The following APC variants were observed in gnomAD, a reference collection of about 807,000 sequenced individuals.
APC encodes the protein APC regulator of Wnt signaling pathway.
A neutral mutation model predicts 247.0 loss-of-function variants in APC; 72 were observed. That is an observed-to-expected ratio of 0.29 (90% CI 0.24 to 0.35). The LOEUF (loss-of-function observed/expected upper bound fraction) is 0.35. Ranked by LOEUF, APC falls within the 10% of genes least tolerant of loss-of-function variation. APC has a pLI of 1.00. For synonymous variants in APC, 1,254 were observed against 1,162.5 expected (o/e 1.08, Z -1.60); for missense variants, 3,400 against 3,360.7 (o/e 1.01, Z -0.29).
Position 112,783,362 on chromosome 5 carries a change from T to G in APC, c.645+2459T>G, listed in dbSNP as rs1758560441. ...TTTGAGAAACATACGTGTTCATTTA[T>G]TCTGGAAATAGTTATATGAAGGTTA... On this transcript the variant is annotated intron_variant, in intron 6 of 15. Coordinates refer to ENST00000257430, the MANE Select transcript of APC (RefSeq NM_000038.6). Among the ~76,000 whole-genome samples the G allele has an allele frequency of 2.0e-5, 3 of 152,138 alleles. No individual in the cohort carries two copies. The South Asian group carries it at 6.2e-4, about 31-fold the overall frequency.
At position 112,844,032 on chromosome 5, in the gene APC, C is replaced by T. The variant is rs1060503275; in HGVS notation, c.8438C>T (p.Thr2813Ile). 1.9e-6 allele frequency: 3 copies of T among 1,602,624 alleles called. No homozygotes were observed. The highest frequency in any genetic ancestry group is 2.5e-6 in the Non-Finnish European group (3 of 1,176,868). Residue 2813 changes from threonine (T) to isoleucine (I), a missense_variant, in exon 16 of 16, where the codon ACA (threonine) becomes ATA (isoleucine). Physicochemically the swap from Thr to Ile is moderately conservative, Grantham distance 89. Around this residue, in one of 9 missense-constraint regions of APC, gnomAD observed 1,788 missense variants for 1,649.5 expected, o/e 1.08. Transcript: ENST00000257430. ...SQIPTPVNNN[T>I]KKRDSKTDST... is the part of the protein sequence containing the mutation. ...ATCCCAACTCCAGTGAATAACAACACAAAGAAGCGAGATTCCAAAACTGAC... is the reference window on the plus strand; with the variant it reads ...ATCCCAACTCCAGTGAATAACAACATAAAGAAGCGAGATTCCAAAACTGAC...
rs2149976488 is a variant in APC at position 112,842,524 on chromosome 5, A to C, written c.6930A>C (p.Ser2310=). The change falls in exon 16 of 16, where the codon TCA becomes TCC. Residue 2310 remains serine (S), a synonymous_variant. Coordinates refer to ENST00000257430, the MANE Select transcript of APC (RefSeq NM_000038.6). ...CAGGATCTAGAGATTCGACCCCTTC[A>C]AGACCTGCCCAGCAACCATTAAGTA... ...SRSGSRDSTP[S]RPAQQPLSRP... 1 of 1,614,076 alleles carries C rather than the reference A, an allele frequency of 6.2e-7. No individual in the cohort carries two copies. Among genetic ancestry groups the C allele is most frequent in the Non-Finnish European group, 8.5e-7 (1 of 1,179,974 alleles).
chr5:112,832,558 T>C (rs1185993445), intron 14 of APC, among the ~76,000 whole-genome samples: 1 of 152,238 alleles, frequency 6.6e-6, no homozygotes, highest in African/African-American at 2.4e-5. Context: ...AGGCCTGGCT[T>C]TTGTCTCTCT....
At chr5:112,762,234 G>A (rs1445028150) in intron 2 of APC, among the ~76,000 whole-genome samples, 2 of 152,198 alleles carry the variant, frequency 1.3e-5, no homozygotes, top group African/African-American at 2.4e-5. Context: ...CACACCAAAT[G>A]TGGAGCATTG....
intron 8 of APC, among the ~76,000 whole-genome samples, chr5:112,813,921 A>C (rs1041282857): frequency 2.6e-5 from 4 of 152,272 alleles, no homozygotes; most frequent in African/African-American, 7.2e-5. Flanking sequence ...TTTTCTCTTT[A>C]CCTTCTTCAA....
chr5:112,735,237 G>A (rs1209190836), upstream of APC, among the ~76,000 whole-genome samples: 4 of 151,982 alleles, frequency 2.6e-5, no homozygotes, highest in Non-Finnish European at 5.9e-5. Flanking sequence ...GTACAATGGC[G>A]AGATCTCGGC....
At chr5:112,791,941 T>C (rs1253726602) in intron 6 of APC, among the ~76,000 whole-genome samples, 1 of 152,040 alleles carries the variant, frequency 6.6e-6, no homozygotes, top group African/African-American at 2.4e-5. Context: ...TCCAGTGTAT[T>C]ACAAAAAATT....
intron 1 of APC, among the ~76,000 whole-genome samples, chr5:112,749,915 T>G (rs796833382): frequency 4.0e-5 from 6 of 151,602 alleles, no homozygotes; most frequent in Middle Eastern, 3.4e-3. Flanking sequence ...TTAGTTGTTT[T>G]TTTTTTTTTA....
At position 112,754,994 on chromosome 5, in the gene APC, C is replaced by T; in HGVS notation, c.104C>T (p.Thr35Ile). 6.2e-7 allele frequency: 1 copy of T among 1,613,734 alleles called. No homozygotes were observed. Among genetic ancestry groups the T allele is most frequent in the Non-Finnish European group, 8.5e-7 (1 of 1,179,772 alleles). ...QELEDNSNHL[T>I]KLETEASNMK... Reference sequence around the variant, plus strand: ...CTAGAAGATAATTCCAATCATCTTACAAAACTGGAAACTGAGGCATCTAAT... The same window carrying T: ...CTAGAAGATAATTCCAATCATCTTATAAAACTGGAAACTGAGGCATCTAAT... The change falls in exon 2 of 16, where the codon ACA becomes ATA. Residue 35 changes from threonine (T) to isoleucine (I), a missense_variant. By Grantham distance (89) the Thr-to-Ile change is moderately conservative. Around this residue, in one of 9 missense-constraint regions of APC, gnomAD observed 372 missense variants for 367.6 expected, o/e 1.01. Coordinates refer to ENST00000257430, the MANE Select transcript of APC (RefSeq NM_000038.6).
chr5:112,761,898 A>G (rs1187620794), intron 2 of APC, among the ~76,000 whole-genome samples: 2 of 152,216 alleles, frequency 1.3e-5, no homozygotes, highest in African/African-American at 4.8e-5. Flanking sequence ...CTTCATCAAA[A>G]TTAAAAACCT....
intron 6 of APC, 31 bp downstream of exon 6, chr5:112,780,934 G>A (rs1758268492): frequency 7.2e-7 from 1 of 1,389,012 alleles, no homozygotes; most frequent in South Asian, 1.2e-5. Context: ...TGATAAAACA[G>A]CGAAGAGCTA....
Position 112,785,788 on chromosome 5 carries a change from G to A in APC, c.645+4885G>A, listed in dbSNP as rs1174665153. ...ACAACCAATGACCTGTTCAGAAGAT[G>A]AGAAATTAAACCCTTACCTCACATC... On this transcript the variant is annotated intron_variant, in intron 6 of 15. Transcript: ENST00000257430. Among the ~76,000 whole-genome samples the A allele has an allele frequency of 2.0e-5, 3 of 152,146 alleles. 1 individual carries two copies. Among genetic ancestry groups the A allele is most frequent in the Admixed American group, 2.0e-4 (3 of 15,284 alleles).
Position 112,768,715 on chromosome 5 carries a change from A to G in APC, c.422+1325A>G, listed in dbSNP as rs73791453. On this transcript the variant is annotated intron_variant, in intron 4 of 15. Transcript: ENST00000257430. ...TAATATTGTTAACTGTGCTCATCCT[A>G]TGGTAGCGTAGAACACAGCCCTGTA... is the stretch of plus-strand genomic sequence containing the variant. 7.0e-3 allele frequency among the ~76,000 whole-genome samples: 1,061 copies of G among 152,070 alleles called. 13 individuals carry two copies. The highest frequency in any genetic ancestry group is 0.024 in the African/African-American group (988 of 41,472).
Position 112,757,728 on chromosome 5 carries a change from G to C in APC, c.135+2703G>C, listed in dbSNP as rs76641316. On this transcript the variant is annotated intron_variant, in intron 2 of 15. Coordinates refer to ENST00000257430, the MANE Select transcript of APC (RefSeq NM_000038.6). ...ACAAAACAAAAAACAGCAAAAAGTAGGTCTCCTCCAACCGGATTACTTAAA... is the reference window on the plus strand; with the variant it reads ...ACAAAACAAAAAACAGCAAAAAGTACGTCTCCTCCAACCGGATTACTTAAA... Among the ~76,000 whole-genome samples, 6 of 152,060 alleles carry C rather than the reference G, an allele frequency of 3.9e-5. No homozygotes were observed. The East Asian group carries it at 9.7e-4, about 24-fold the overall frequency.
intron 1 of APC, among the ~76,000 whole-genome samples, chr5:112,753,572 C>T (rs1355221967): frequency 6.6e-6 from 1 of 152,082 alleles, no homozygotes; most frequent in Non-Finnish European, 1.5e-5. Context: ...CAATTTTTTT[C>T]AACCAAAGAC....
chr5:112,805,346 A>T (rs1478642995), intron 8 of APC, among the ~76,000 whole-genome samples: 1 of 152,156 alleles, frequency 6.6e-6, no homozygotes, highest in East Asian at 1.9e-4. Flanking sequence ...CAGTATAGGG[A>T]TGGCAGAGGA....
In APC at chr5:112,737,963, G is replaced by C. The variant is rs561168289; in HGVS notation, c.-19+38G>C. On this transcript the variant is annotated intron_variant, in intron 1 of 15. Coordinates refer to ENST00000257430, the MANE Select transcript of APC (RefSeq NM_000038.6). ...GCCACCATGGCCAGGCTTGCTGCGG[G>C]GGGAGGGGGGAAGGTGGTTTTCCCT... is the stretch of plus-strand genomic sequence containing the variant. 1.9e-4 allele frequency: 186 copies of C among 982,568 alleles called. No individual in the cohort carries two copies. In the African/African-American group the frequency reaches 2.8e-3, roughly 15 times the overall value. The allele number at this position is 982,568 out of a possible 1,614,324, so 60.9% of individuals were successfully genotyped here. A position where few individuals can be genotyped will look rare whatever the true frequency, so the allele number is the denominator to read the frequency against.
intron 12 of APC, 68 bp downstream of exon 12, chr5:112,827,315 C>T (rs950769214): frequency 1.9e-6 from 3 of 1,554,122 alleles, no homozygotes; most frequent in Middle Eastern, 1.7e-4. Flanking sequence ...CATACAAATA[C>T]ATTTTACTGA....
chr5:112,740,955 G>A (rs1752944021), intron 1 of APC, among the ~76,000 whole-genome samples: 1 of 152,074 alleles, frequency 6.6e-6, no homozygotes, highest in East Asian at 1.9e-4. Flanking sequence ...ACTTGTATAT[G>A]TTTAAATGTT....
Sources: gnomAD v4.1 joint callset for allele counts (sites outside exome capture counted in the v4.1 genomes callset) on GRCh38, gnomAD v4.1.1 for gene constraint, gnomAD v4.1.1 regional missense constraint, MANE v1.5 for transcripts, NCBI Gene and HGNC (gene_info 2026-07-23, HGNC 2026-07-21) for gene names.